PRKAR2A: variants seen among roughly 807,000 people sequenced by gnomAD.
PRKAR2A encodes protein kinase cAMP-dependent type II regulatory subunit alpha, also known as cAMP-dependent protein kinase type II-alpha regulatory subunit.
PRKAR2A carries 29 observed loss-of-function variants against 51.9 expected under a neutral mutation model. The ratio of observed to expected loss-of-function variants is 0.56; its 90% CI spans 0.42 to 0.76. The LOEUF is 0.76. Ranked by LOEUF, PRKAR2A falls within the 30% of genes least tolerant of loss-of-function variation. The probability of loss-of-function intolerance (pLI) is 0.00; values close to 1 mark genes in which losing one functional copy is unlikely to be tolerated. For synonymous variants in PRKAR2A, 178 were observed against 186.2 expected (o/e 0.96, Z 0.36); for missense variants, 445 against 512.1 (o/e 0.87, Z 1.26).
chr3:48,845,118 A>G (rs2083442821), intron 1 of PRKAR2A, among the ~76,000 whole-genome samples: 1 of 152,144 alleles, frequency 6.6e-6, no homozygotes, highest in African/African-American at 2.4e-5. Context: ...ACAAACCTGA[A>G]ATAAAGCTTT....
At chr3:48,779,813 AAATAAATAAAT>A (rs1460802801) in intron 5 of PRKAR2A, among the ~76,000 whole-genome samples, 1 of 149,254 alleles carries the variant, frequency 6.7e-6, no homozygotes, top group Non-Finnish European at 1.5e-5. Flanking sequence ...ATAAATAAAT[AAATAAATAAAT>A]AAATAAAATA....
chr3:48,802,385 C>T (rs1461316556), intron 2 of PRKAR2A, among the ~76,000 whole-genome samples: 1 of 150,802 alleles, frequency 6.6e-6, no homozygotes, highest in Admixed American at 6.6e-5. Flanking sequence ...AGTGAGCAAA[C>T]AACAAAGATA....
intron 4 of PRKAR2A, among the ~76,000 whole-genome samples, chr3:48,790,138 T>C (rs1312436587): frequency 1.3e-5 from 2 of 152,138 alleles, no homozygotes; most frequent in Non-Finnish European, 2.9e-5. Context: ...AGGTGGCATA[T>C]ATGGCATGAA....
intron 2 of PRKAR2A, among the ~76,000 whole-genome samples, chr3:48,794,391 T>C (rs1200830699): frequency 6.6e-6 from 1 of 151,916 alleles, no homozygotes; most frequent in African/African-American, 2.4e-5. Context: ...CATCAGGTGA[T>C]CCACCTGATG....
intron 5 of PRKAR2A, among the ~76,000 whole-genome samples, chr3:48,775,175 A>G (rs746609635): frequency 6.6e-6 from 1 of 152,098 alleles, no homozygotes; most frequent in Non-Finnish European, 1.5e-5. Flanking sequence ...ACGGTGGCTC[A>G]AGCCTATAAT....
Position 48,847,613 on chromosome 3 carries a change from G to A in PRKAR2A, c.-17C>T. On this transcript the variant is annotated 5_prime_UTR_variant, in exon 1 of 11. Transcript: ENST00000265563. This position sits in a 1 kb window ranked among gnomAD's most constrained non-coding sequence, Gnocchi z 4.4. ...GTGGCTCATGCCGGCGGCGGCCGAA[G>A]GGATAGACGGGTTGGGCCGCCGGCG... 6.9e-7 allele frequency: 1 copy of A among 1,438,900 alleles called. No homozygotes were observed. 89.1% of individuals were successfully genotyped at this position (1,438,900 alleles called of 1,614,324 possible). A position where few individuals can be genotyped will look rare whatever the true frequency, so the allele number is the denominator to read the frequency against.
intron 8 of PRKAR2A, among the ~76,000 whole-genome samples, chr3:48,764,639 T>G (rs2081911073): frequency 6.6e-6 from 1 of 152,132 alleles, no homozygotes; most frequent in Non-Finnish European, 1.5e-5. Flanking sequence ...TTTTGGTTTT[T>G]TTTTGAAATG....
At chr3:48,845,947 A>T (rs2083454405) in intron 1 of PRKAR2A, among the ~76,000 whole-genome samples, 1 of 140,388 alleles carries the variant, frequency 7.1e-6, no homozygotes, top group Non-Finnish European at 1.6e-5. Flanking sequence ...TCCTGACTTT[A>T]AAAAAAAAAA....
In PRKAR2A at chr3:48,747,033, T is replaced by G. The variant is rs961422890; in HGVS notation, c.*4552A>C. ...AACCCCTCCATGAGGTTAGTGACAG[T>G]TCTTGTCCTTTTTTTTTTTTTTTTT... On this transcript the variant is annotated 3_prime_UTR_variant, in exon 11 of 11. Transcript: ENST00000265563. 6.9e-6 allele frequency: 1 copy of G among 145,512 alleles called. No homozygotes were observed. The highest frequency in any genetic ancestry group is 1.5e-5 in the Non-Finnish European group (1 of 67,196). The allele number at this position is 145,512 out of a possible 1,614,324, so 9.0% of individuals were successfully genotyped here. A position where few individuals can be genotyped will look rare whatever the true frequency, so the allele number is the denominator to read the frequency against.
chr3:48,783,118 A>T (rs1246202991), intron 4 of PRKAR2A, 26 bp from the exon 5 acceptor site: 3 of 1,490,358 alleles, frequency 2.0e-6, no homozygotes, highest in East Asian at 2.3e-5. Context: ...AAGAAGAAAA[A>T]AATAGCCTTT....
chr3:48,768,197 G>A (rs2081968751), intron 6 of PRKAR2A, among the ~76,000 whole-genome samples: 1 of 151,922 alleles, frequency 6.6e-6, no homozygotes, highest in African/African-American at 2.4e-5. Context: ...GGGAGGCAGA[G>A]GTGGGAGGAT....
chr3:48,803,114 A>G (rs531997519), intron 2 of PRKAR2A, among the ~76,000 whole-genome samples: 1 of 152,310 alleles, frequency 6.6e-6, no homozygotes, highest in African/African-American at 2.4e-5. Flanking sequence ...CTTATCTAGG[A>G]GAACAGAAGA....
intron 5 of PRKAR2A, among the ~76,000 whole-genome samples, chr3:48,782,100 G>A (rs1010895193): frequency 6.6e-6 from 1 of 152,152 alleles, no homozygotes; most frequent in African/African-American, 2.4e-5. Context: ...TCTTATTGGT[G>A]TTAAACTCTA....
intron 1 of PRKAR2A, among the ~76,000 whole-genome samples, chr3:48,839,128 A>G (rs1485541969): frequency 6.6e-6 from 1 of 151,930 alleles, no homozygotes; most frequent in African/African-American, 2.4e-5. Context: ...TCTCTACTAA[A>G]AACACAAACA....
intron 4 of PRKAR2A, among the ~76,000 whole-genome samples, chr3:48,788,364 A>G (rs1462215964): frequency 6.6e-6 from 1 of 152,020 alleles, no homozygotes; most frequent in African/African-American, 2.4e-5. Context: ...GGGTTTCACC[A>G]TGTTGGCCAG....
intron 9 of PRKAR2A, 112 bp downstream of exon 9, chr3:48,756,267 C>A: frequency 1.1e-6 from 1 of 920,654 alleles, no homozygotes. Context: ...CTTTGCCAGT[C>A]ACACACCTCA....
intron 2 of PRKAR2A, 75 bp from the exon 3 acceptor site, chr3:48,794,124 T>A: frequency 5.4e-5 from 56 of 1,034,002 alleles, no homozygotes; most frequent in Non-Finnish European, 7.6e-5. Context: ...GGAAGTGAAC[T>A]CAATTTTCTT....
chr3:48,825,292 G>A (rs994818702), intron 1 of PRKAR2A, among the ~76,000 whole-genome samples: 1 of 151,694 alleles, frequency 6.6e-6, no homozygotes, highest in Non-Finnish European at 1.5e-5. Context: ...AGAGGCATGA[G>A]GCCACCACAC....
At position 48,826,943 on chromosome 3, in the gene PRKAR2A, T is replaced by C. The variant is rs1362501085; in HGVS notation, c.263-19259A>G. 2.0e-5 allele frequency among the ~76,000 whole-genome samples: 3 copies of C among 149,388 alleles called. No homozygotes were observed. In the East Asian group the frequency reaches 5.9e-4, roughly 29 times the overall value. On this transcript the variant is annotated intron_variant, in intron 1 of 10. Transcript: ENST00000265563. ...CAACTTACAAAAATAAAGATAAACA[T>C]AGAAAAAGATATCCAAGGCCACTGA...
Sources: gnomAD v4.1 joint callset for allele counts (sites outside exome capture counted in the v4.1 genomes callset) on GRCh38, gnomAD v4.1.1 for gene constraint, Gnocchi (gnomAD v3.1) non-coding constraint, MANE v1.5 for transcripts, NCBI Gene and HGNC (gene_info 2026-07-23, HGNC 2026-07-21) for gene names.